The following ADAMTS19 variants were observed in gnomAD, a reference collection of about 807,000 sequenced individuals.
ADAMTS19 encodes A disintegrin and metalloproteinase with thrombospondin motifs 19.
Under a neutral mutation model 153.3 loss-of-function variants are expected in ADAMTS19, and 93 were observed. That is an observed-to-expected ratio of 0.61 (90% confidence interval 0.51 to 0.72). ADAMTS19 has a LOEUF of 0.72. ADAMTS19 is among the 30% of genes least tolerant of loss of function. The pLI, the probability that ADAMTS19 is intolerant of heterozygous loss-of-function variation, is 0.00. For missense variants in ADAMTS19, 1,482 were observed against 1,552.1 expected (o/e 0.95, Z 0.76); for synonymous variants, 600 against 556.6 (o/e 1.08, Z -1.10).
intron 4 of ADAMTS19, 91 bp from the exon 5 acceptor site, chr5:129,527,657 C>G: frequency 7.3e-6 from 2 of 272,980 alleles, no homozygotes; most frequent in Non-Finnish European, 1.4e-5. Flanking sequence ...GATGTCTCAA[C>G]TAAATTGAGA....
chr5:129,623,057 GT>G (rs1431752904), intron 10 of ADAMTS19, among the ~76,000 whole-genome samples: 1 of 152,128 alleles, frequency 6.6e-6, no homozygotes, highest in African/African-American at 2.4e-5. Context: ...ACATGTAATT[GT>G]GGAGGAGGAA....
At chr5:129,683,449 T>TAA (rs1354579596) in intron 17 of ADAMTS19, among the ~76,000 whole-genome samples, 49 of 152,100 alleles carry the variant, frequency 3.2e-4, no homozygotes, top group Non-Finnish European at 5.9e-5. Flanking sequence ...TTATTAATAT[T>TAA]AAAAGTTCAT....
At chr5:129,591,312 A>T (rs759639729) in intron 7 of ADAMTS19, among the ~76,000 whole-genome samples, 149 of 145,508 alleles carry the variant, frequency 1.0e-3, no homozygotes, top group Non-Finnish European at 1.8e-3. Context: ...TTTTTTTCTG[A>T]GATGGAGTCT....
At chr5:129,666,601 A>T (rs2127085318) in intron 16 of ADAMTS19, among the ~76,000 whole-genome samples, 1 of 152,302 alleles carries the variant, frequency 6.6e-6, no homozygotes, top group Non-Finnish European at 1.5e-5. Context: ...GACTAGAAAA[A>T]TTTGAGGAAA....
At chr5:129,602,726 T>G (rs1750719932) in intron 8 of ADAMTS19, among the ~76,000 whole-genome samples, 3 of 152,140 alleles carry the variant, frequency 2.0e-5, no homozygotes. Context: ...ATTGTCAAAT[T>G]TCATACTTTC....
At chr5:129,578,034 A>G (rs558209575) in intron 7 of ADAMTS19, among the ~76,000 whole-genome samples, 3 of 126,552 alleles carry the variant, frequency 2.4e-5, no homozygotes, top group Non-Finnish European at 4.7e-5. Context: ...TGATTTTCAA[A>G]CTTACATACA....
chr5:129,671,287 G>A (rs915414156), intron 16 of ADAMTS19, among the ~76,000 whole-genome samples: 3 of 152,106 alleles, frequency 2.0e-5, no homozygotes, highest in Admixed American at 6.6e-5. Flanking sequence ...AAATAGATGT[G>A]AGTGTTGATA....
At chr5:129,539,627 A>T (rs1356907489) in intron 6 of ADAMTS19, among the ~76,000 whole-genome samples, 1 of 152,052 alleles carries the variant, frequency 6.6e-6, no homozygotes, top group Non-Finnish European at 1.5e-5. Flanking sequence ...TATTGCATAA[A>T]AGTATCCTAA....
intron 8 of ADAMTS19, among the ~76,000 whole-genome samples, chr5:129,599,508 A>C (rs13436476): frequency 0.089 from 13,545 of 152,212 alleles, 695 homozygotes; most frequent in African/African-American, 0.11. Flanking sequence ...ACTTTTAAAA[A>C]GTATATTTTT....
chr5:129,492,959 TAAG>T (rs760973980), intron 2 of ADAMTS19, among the ~76,000 whole-genome samples: 28 of 152,314 alleles, frequency 1.8e-4, no homozygotes, highest in South Asian at 1.7e-3. Flanking sequence ...TGTGCTTCTT[TAAG>T]AAGAACTTCC....
intron 2 of ADAMTS19, among the ~76,000 whole-genome samples, chr5:129,503,976 G>C (rs1751188253): frequency 6.6e-6 from 1 of 152,122 alleles, no homozygotes; most frequent in African/African-American, 2.4e-5. Flanking sequence ...GCTTCTTCGA[G>C]TGTCTCGCTA....
At chr5:129,646,902 A>G (rs1246761687) in intron 11 of ADAMTS19, among the ~76,000 whole-genome samples, 1 of 152,122 alleles carries the variant, frequency 6.6e-6, no homozygotes, top group Non-Finnish European at 1.5e-5. Flanking sequence ...TACGACCATC[A>G]TCTATTTGAT....
At chr5:129,689,919 C>A in intron 18 of ADAMTS19, among the ~76,000 whole-genome samples, 1 of 152,046 alleles carries the variant, frequency 6.6e-6, no homozygotes, top group African/African-American at 2.4e-5. Context: ...ATTTTTAATA[C>A]CTAAGCGATA....
At chr5:129,559,062 A>G (rs539236059) in intron 7 of ADAMTS19, among the ~76,000 whole-genome samples, 247 of 152,198 alleles carry the variant, frequency 1.6e-3, no homozygotes, top group Admixed American at 3.9e-3. Flanking sequence ...AGAGGATACC[A>G]TATTTCATGG....
intron 4 of ADAMTS19, 111 bp from the exon 5 acceptor site, chr5:129,527,637 A>G (rs1305682393): frequency 3.0e-6 from 1 of 331,080 alleles, no homozygotes; most frequent in Non-Finnish European, 5.5e-6. Flanking sequence ...TTTTTTTAAA[A>G]AAAAAAAAAG....
At chr5:129,596,209 T>C (rs944675481) in intron 7 of ADAMTS19, among the ~76,000 whole-genome samples, 1 of 152,108 alleles carries the variant, frequency 6.6e-6, no homozygotes, top group East Asian at 1.9e-4. Flanking sequence ...ATATTTAAAA[T>C]AATCATTGCT....
intron 7 of ADAMTS19, among the ~76,000 whole-genome samples, chr5:129,577,626 G>A (rs182409349): frequency 4.3e-4 from 66 of 152,182 alleles, no homozygotes; most frequent in African/African-American, 1.6e-3. Context: ...CCAGTCAAGA[G>A]GTCCTAAGAT....
intron 19 of ADAMTS19, among the ~76,000 whole-genome samples, chr5:129,696,752 A>C (rs1034331530): frequency 1.3e-5 from 2 of 152,190 alleles, no homozygotes; most frequent in African/African-American, 4.8e-5. Flanking sequence ...GGATTCAAAG[A>C]CTTTCTGATT....
intron 10 of ADAMTS19, among the ~76,000 whole-genome samples, chr5:129,622,893 G>A (rs1159758567): frequency 6.6e-6 from 1 of 151,806 alleles, no homozygotes; most frequent in Non-Finnish European, 1.5e-5. Flanking sequence ...TTATATTGTT[G>A]TATTGTTCTT....
Sources: allele counts gnomAD v4.1 joint callset (sites outside exome capture counted in the v4.1 genomes callset), GRCh38; gene constraint gnomAD v4.1.1; transcripts MANE v1.5; gene names NCBI Gene and HGNC (gene_info 2026-07-23, HGNC 2026-07-21).